KCNIP1: variants seen among roughly 807,000 people sequenced by gnomAD.
The protein encoded by KCNIP1 is A-type potassium channel modulatory protein KCNIP1.
KCNIP1 carries 18 observed loss-of-function variants against 33.0 expected under a neutral mutation model. The ratio of observed to expected loss-of-function variants is 0.55; its 90% confidence interval spans 0.38 to 0.81. KCNIP1 has a LOEUF of 0.81. KCNIP1 is among the 30% of genes least tolerant of loss of function. KCNIP1 has a pLI of 0.00. For synonymous variants in KCNIP1, 93 were observed against 98.3 expected (o/e 0.95, Z 0.32); for missense variants, 238 against 271.6 (o/e 0.88, Z 0.87).
intron 1 of KCNIP1, among the ~76,000 whole-genome samples, chr5:170,624,544 G>A (rs76826453): frequency 0.02 from 2,990 of 151,582 alleles, 117 homozygotes; most frequent in African/African-American, 0.068. Flanking sequence ...TGATCACTTC[G>A]GTTCTCATCA....
chr5:170,482,427 C>T (rs1271053381), intron 1 of KCNIP1, among the ~76,000 whole-genome samples: 1 of 152,144 alleles, frequency 6.6e-6, no homozygotes, highest in African/African-American at 2.4e-5. Flanking sequence ...CAGTACGGGG[C>T]CTTTTGCAGC....
intron 1 of KCNIP1, among the ~76,000 whole-genome samples, chr5:170,684,709 C>T (rs1388152039): frequency 1.3e-5 from 2 of 152,194 alleles, no homozygotes; most frequent in Non-Finnish European, 2.9e-5. Context: ...CATCCCTGGT[C>T]ACTGGCCACA....
At chr5:170,527,362 C>G (rs1357584161) in intron 1 of KCNIP1, among the ~76,000 whole-genome samples, 1 of 152,154 alleles carries the variant, frequency 6.6e-6, no homozygotes, top group Admixed American at 6.6e-5. Flanking sequence ...AGACAGGGTA[C>G]TGGCCCAGTA....
intron 1 of KCNIP1, among the ~76,000 whole-genome samples, chr5:170,479,865 C>T (rs912631623): frequency 6.6e-6 from 1 of 152,216 alleles, no homozygotes; most frequent in Non-Finnish European, 1.5e-5. Context: ...TTCCTCTTGA[C>T]ATTCGAACAC....
chr5:170,641,546 T>C (rs1760559431), intron 1 of KCNIP1, among the ~76,000 whole-genome samples: 1 of 152,178 alleles, frequency 6.6e-6, no homozygotes, highest in East Asian at 1.9e-4. Context: ...TAAGACACAA[T>C]TGATTCATTG....
At chr5:170,407,138 C>T (rs1012619586) in intron 1 of KCNIP1, among the ~76,000 whole-genome samples, 1 of 152,196 alleles carries the variant, frequency 6.6e-6, no homozygotes, top group Non-Finnish European at 1.5e-5. Flanking sequence ...TGGGCAGCAG[C>T]CCTTGCCTGT....
At chr5:170,575,579 T>C (rs74873867) in intron 1 of KCNIP1, among the ~76,000 whole-genome samples, 24,397 of 152,190 alleles carry the variant, frequency 0.16, 2,385 homozygotes, top group African/African-American at 0.28. Flanking sequence ...CTTGCTTGTA[T>C]GCCTACACTG....
intron 1 of KCNIP1, chr5:170,681,241 A>T: frequency 2.5e-6 from 1 of 398,536 alleles, no homozygotes; most frequent in Non-Finnish European, 4.4e-6. Context: ...GGTTGCTGTG[A>T]CAGTCGTTTC....
At chr5:170,379,056 C>G (rs1470113649) in intron 1 of KCNIP1, 3 of 1,511,170 alleles carry the variant, frequency 2.0e-6, no homozygotes, top group East Asian at 2.3e-5. Context: ...AAGAAAAATA[C>G]CAGCTTTGTA....
At chr5:170,696,932 C>T (rs951880008) in intron 1 of KCNIP1, among the ~76,000 whole-genome samples, 1 of 152,120 alleles carries the variant, frequency 6.6e-6, no homozygotes, top group Non-Finnish European at 1.5e-5. Context: ...CCCTAGAATG[C>T]ACATTTCCTT....
intron 1 of KCNIP1, among the ~76,000 whole-genome samples, chr5:170,645,520 C>A (rs1169638583): frequency 6.6e-6 from 1 of 152,156 alleles, no homozygotes; most frequent in Admixed American, 6.5e-5. Context: ...TCAACTGTTA[C>A]ACTTGGAGGC....
intron 1 of KCNIP1, among the ~76,000 whole-genome samples, chr5:170,365,136 G>A (rs1763623376): frequency 6.6e-6 from 1 of 152,046 alleles, no homozygotes; most frequent in Non-Finnish European, 1.5e-5. Flanking sequence ...CCTGGTGCAG[G>A]GCCTACCACA....
chr5:170,699,123 A>G (rs10056705), intron 1 of KCNIP1, among the ~76,000 whole-genome samples: 24,390 of 152,162 alleles, frequency 0.16, 2,361 homozygotes, highest in African/African-American at 0.27. Flanking sequence ...CTTCATATAC[A>G]AAATTTGTAC....
At chr5:170,526,719 C>CT (rs145988547) in intron 1 of KCNIP1, among the ~76,000 whole-genome samples, 9,301 of 122,742 alleles carry the variant, frequency 0.076, 596 homozygotes, top group African/African-American at 0.12. Context: ...ATCTGATTAG[C>CT]TTTTTTTTTT....
At chr5:170,585,097 C>T (rs1252105661) in intron 1 of KCNIP1, among the ~76,000 whole-genome samples, 3 of 151,798 alleles carry the variant, frequency 2.0e-5, no homozygotes, top group African/African-American at 7.3e-5. Flanking sequence ...GGTTGAGGGT[C>T]ACACAGCTAA....
chr5:170,367,504 T>C (rs769872185), intron 1 of KCNIP1, among the ~76,000 whole-genome samples: 21 of 150,280 alleles, frequency 1.4e-4, no homozygotes, highest in Non-Finnish European at 1.6e-4. Flanking sequence ...TGGCATAGAG[T>C]AGGGGCCTAA....
intron 1 of KCNIP1, among the ~76,000 whole-genome samples, chr5:170,568,434 T>A (rs1394018286): frequency 6.6e-6 from 1 of 152,024 alleles, no homozygotes; most frequent in African/African-American, 2.4e-5. Flanking sequence ...ATCCCACTTA[T>A]GTGTCCTGGG....
chr5:170,587,855 C>G (rs1206101013), intron 1 of KCNIP1, among the ~76,000 whole-genome samples: 1 of 152,214 alleles, frequency 6.6e-6, no homozygotes, highest in Non-Finnish European at 1.5e-5. Context: ...GGACATGCAT[C>G]CCTAGGGAAC....
intron 1 of KCNIP1, among the ~76,000 whole-genome samples, chr5:170,390,118 A>G (rs1764658228): frequency 6.6e-6 from 1 of 151,900 alleles, no homozygotes; most frequent in Non-Finnish European, 1.5e-5. Context: ...ATTTCTTCCT[A>G]GCAATAAGAC....
Sources: gnomAD v4.1 joint callset for allele counts (sites outside exome capture counted in the v4.1 genomes callset) on GRCh38, gnomAD v4.1.1 for gene constraint, MANE v1.5 for transcripts, NCBI Gene and HGNC (gene_info 2026-07-23, HGNC 2026-07-21) for gene names.